The following LAMA2 variants were observed in gnomAD, a reference collection of about 807,000 sequenced individuals.
LAMA2 encodes the protein laminin subunit alpha 2.
A neutral mutation model predicts 364.8 loss-of-function variants in LAMA2; 269 were observed. The ratio of observed to expected loss-of-function variants is 0.74; its 90% CI spans 0.67 to 0.82. The LOEUF is 0.82. Ranked by LOEUF, LAMA2 falls within the 40% of genes least tolerant of loss-of-function variation. The pLI, the probability that LAMA2 is intolerant of heterozygous loss-of-function variation, is 0.00. For synonymous variants in LAMA2, 1,379 were observed against 1,370.6 expected, an observed-to-expected ratio of 1.01 and a Z score of -0.14; for missense variants, 3,807 against 3,873.2, an observed-to-expected ratio of 0.98 and a Z score of 0.45.
At chr6:129,436,079 T>G (rs563020771) in intron 41 of LAMA2, among the ~76,000 whole-genome samples, 2 of 152,272 alleles carry the variant, frequency 1.3e-5, no homozygotes, top group African/African-American at 4.8e-5. Flanking sequence ...CAAATAACAT[T>G]CTTCCCCAGT....
intron 1 of LAMA2, among the ~76,000 whole-genome samples, chr6:128,944,232 C>T (rs575108930): frequency 6.6e-6 from 1 of 152,194 alleles, no homozygotes; most frequent in South Asian, 2.1e-4. Context: ...AGTTAAGGTA[C>T]CCCACCTAGA....
chr6:128,894,092 G>T (rs144081571), intron 1 of LAMA2, among the ~76,000 whole-genome samples: 122 of 152,234 alleles, frequency 8.0e-4, no homozygotes, highest in Middle Eastern at 3.4e-3. Flanking sequence ...TCAGTAAGTG[G>T]TAGTTTTCAA....
intron 2 of LAMA2, among the ~76,000 whole-genome samples, chr6:129,053,142 G>T (rs1340536052): frequency 1.3e-5 from 2 of 152,098 alleles, no homozygotes; most frequent in African/African-American, 4.8e-5. Flanking sequence ...GCAATGGCAC[G>T]ACCTCGGCTC....
chr6:128,976,595 G>T (rs999427990), intron 1 of LAMA2, among the ~76,000 whole-genome samples: 1 of 152,148 alleles, frequency 6.6e-6, no homozygotes, highest in Non-Finnish European at 1.5e-5. Context: ...GAAGAATCAT[G>T]ACAATAAGAA....
chr6:129,076,380 CA>C (rs1360359979), intron 3 of LAMA2, among the ~76,000 whole-genome samples: 3 of 146,572 alleles, frequency 2.0e-5, no homozygotes, highest in Admixed American at 6.9e-5. Context: ...AATACCTAAA[CA>C]TAGGGGGAAA....
intron 41 of LAMA2, among the ~76,000 whole-genome samples, chr6:129,430,996 T>A (rs569232548): frequency 6.6e-6 from 1 of 152,314 alleles, no homozygotes; most frequent in South Asian, 2.1e-4. Context: ...AAATTATACA[T>A]CTTACCTTAT....
At chr6:129,086,824 G>C (rs1256163307) in intron 3 of LAMA2, among the ~76,000 whole-genome samples, 1 of 152,200 alleles carries the variant, frequency 6.6e-6, no homozygotes, top group African/African-American at 2.4e-5. Context: ...GGTGTGGGTA[G>C]TATTGCATTT....
intron 1 of LAMA2, among the ~76,000 whole-genome samples, chr6:128,924,828 G>T (rs1778985164): frequency 6.6e-6 from 1 of 152,142 alleles, no homozygotes; most frequent in African/African-American, 2.4e-5. Context: ...TTTTAGAGAA[G>T]AGAATTATTT....
chr6:129,428,082 T>G (rs180903704), intron 41 of LAMA2, among the ~76,000 whole-genome samples: 77 of 152,316 alleles, frequency 5.1e-4, no homozygotes, highest in African/African-American at 1.8e-3. Context: ...TTCTATAGCA[T>G]CACTTCACCT....
intron 1 of LAMA2, among the ~76,000 whole-genome samples, chr6:129,040,062 G>A (rs968501450): frequency 6.6e-6 from 1 of 152,162 alleles, no homozygotes; most frequent in Non-Finnish European, 1.5e-5. Context: ...GAGACAAAAA[G>A]TAATTAAACT....
Position 129,348,606 on chromosome 6 carries a change from G to T in LAMA2, c.4437-692G>T, listed in dbSNP as rs1199503404. On this transcript the variant is annotated intron_variant, in intron 30 of 64. Transcript: ENST00000421865. Reference sequence around the variant, plus strand: ...AGAAATCCAGGAGCAAGACAGACTGGCTGTGGTCTACCAGCATTGTAGTAA... The same window carrying T: ...AGAAATCCAGGAGCAAGACAGACTGTCTGTGGTCTACCAGCATTGTAGTAA... Among the ~76,000 whole-genome samples, 8 of 151,802 alleles carry T rather than the reference G, an allele frequency of 5.3e-5. No individual in the cohort carries two copies. In the East Asian group the frequency reaches 1.4e-3, roughly 26 times the overall value.
At chr6:129,222,516 C>G (rs892085961) in intron 12 of LAMA2, among the ~76,000 whole-genome samples, 1 of 126,176 alleles carries the variant, frequency 7.9e-6, no homozygotes, top group Non-Finnish European at 1.6e-5. Context: ...CGACAGGCCC[C>G]GGTGTGTGAT....
At chr6:129,080,298 G>A (rs766664928) in intron 3 of LAMA2, among the ~76,000 whole-genome samples, 1 of 152,146 alleles carries the variant, frequency 6.6e-6, no homozygotes, top group South Asian at 2.1e-4. Flanking sequence ...AAAGCCTGCC[G>A]TGTATACTCC....
At chr6:129,035,390 A>G (rs1786564164) in intron 1 of LAMA2, among the ~76,000 whole-genome samples, 1 of 137,714 alleles carries the variant, frequency 7.3e-6, no homozygotes, top group African/African-American at 2.7e-5. Context: ...TAAGTTTCTT[A>G]TAGTTTCTGG....
chr6:129,320,960 TAG>T (rs1774928925), intron 28 of LAMA2, among the ~76,000 whole-genome samples: 1 of 152,212 alleles, frequency 6.6e-6, no homozygotes, highest in East Asian at 1.9e-4. Context: ...TCTGAAGAGT[TAG>T]AGACATTTAA....
At chr6:129,335,362 A>T (rs558899312) in intron 29 of LAMA2, among the ~76,000 whole-genome samples, 1 of 150,412 alleles carries the variant, frequency 6.6e-6, no homozygotes, top group Admixed American at 6.6e-5. Flanking sequence ...GTAGGTAGAT[A>T]GATAGATAGA....
chr6:129,005,125 C>T (rs1233578216), intron 1 of LAMA2, among the ~76,000 whole-genome samples: 1 of 151,848 alleles, frequency 6.6e-6, no homozygotes, highest in Non-Finnish European at 1.5e-5. Context: ...ATTTTACTGT[C>T]CTCTTTTTTT....
chr6:129,161,948 G>A (rs934003590), intron 8 of LAMA2, among the ~76,000 whole-genome samples: 7 of 152,126 alleles, frequency 4.6e-5, no homozygotes, highest in African/African-American at 1.4e-4. Flanking sequence ...TGTGAATAGG[G>A]CTGCAATGAA....
intron 14 of LAMA2, among the ~76,000 whole-genome samples, chr6:129,257,892 T>G (rs1786814954): frequency 6.6e-6 from 1 of 152,144 alleles, no homozygotes; most frequent in South Asian, 2.1e-4. Flanking sequence ...TAGTAGTCTT[T>G]ATTGTATCCT....
Sources: allele counts gnomAD v4.1 joint callset (sites outside exome capture counted in the v4.1 genomes callset), GRCh38; gene constraint gnomAD v4.1.1; transcripts MANE v1.5; gene names NCBI Gene and HGNC (gene_info 2026-07-23, HGNC 2026-07-21).